The following SGCD variants were observed in gnomAD, a reference collection of about 807,000 sequenced individuals.
The protein encoded by SGCD is sarcoglycan delta, also known as delta-sarcoglycan.
In SGCD, 18 loss-of-function variants were observed where a neutral mutation model predicts 36.6. The ratio of observed to expected loss-of-function variants is 0.49; its 90% CI spans 0.34 to 0.73. The LOEUF (loss-of-function observed/expected upper bound fraction) is 0.73. SGCD is among the 30% of genes least tolerant of loss of function. The probability of loss-of-function intolerance (pLI) is 0.01; values close to 1 mark genes in which losing one functional copy is unlikely to be tolerated. For synonymous variants in SGCD, 133 were observed against 130.6 expected, an observed-to-expected ratio of 1.02 and a Z score of -0.12; for missense variants, 387 against 346.7, an observed-to-expected ratio of 1.12 and a Z score of -0.92.
intron 3 of SGCD, among the ~76,000 whole-genome samples, chr5:156,297,931 C>G (rs912714832): frequency 7.9e-5 from 12 of 151,718 alleles, no homozygotes; most frequent in Non-Finnish European, 1.8e-4. Flanking sequence ...ACCCCCAATC[C>G]CACAATTACC....
intron 6 of SGCD, among the ~76,000 whole-genome samples, chr5:156,623,206 T>C (rs1055960336): frequency 1.3e-5 from 2 of 152,150 alleles, no homozygotes; most frequent in African/African-American, 4.8e-5. Context: ...AACCACAGTA[T>C]TGCAGTGGGC....
chr5:155,879,090 A>AG (rs749465906), intron 1 of SGCD, among the ~76,000 whole-genome samples: 84 of 152,118 alleles, frequency 5.5e-4, no homozygotes, highest in Non-Finnish European at 8.7e-4. Context: ...AAAAAAAAAA[A>AG]GTATTTGGAC....
intron 1 of SGCD, among the ~76,000 whole-genome samples, chr5:156,046,168 T>C (rs1759760812): frequency 6.6e-6 from 1 of 152,128 alleles, no homozygotes; most frequent in East Asian, 1.9e-4. Context: ...CAGTACATCA[T>C]CTCACTTTCA....
At chr5:156,661,913 A>T (rs1435453167) in intron 7 of SGCD, among the ~76,000 whole-genome samples, 2 of 150,458 alleles carry the variant, frequency 1.3e-5, no homozygotes. Context: ...CTGTACTGTG[A>T]GGAAGGAATG....
chr5:155,831,091 G>A, the SGCD span, among the ~76,000 whole-genome samples: 2 of 152,194 alleles, frequency 1.3e-5, no homozygotes. Context: ...TCTCTGGTTA[G>A]ATAATTTACT....
the SGCD span, among the ~76,000 whole-genome samples, chr5:155,787,260 C>T: frequency 6.6e-6 from 1 of 152,060 alleles, no homozygotes; most frequent in African/African-American, 2.4e-5. Context: ...AAAACAAACC[C>T]CTGAAAATGG....
chr5:156,099,051 C>T (rs564872234), intron 1 of SGCD, among the ~76,000 whole-genome samples: 48 of 152,304 alleles, frequency 3.2e-4, no homozygotes, highest in Admixed American at 3.3e-4. Flanking sequence ...CTCCTCATGC[C>T]CCCAAGTTTG....
chr5:155,803,826 T>C, the SGCD span, among the ~76,000 whole-genome samples: 1 of 152,200 alleles, frequency 6.6e-6, no homozygotes, highest in African/African-American at 2.4e-5. Context: ...GCATAGGGTA[T>C]GCTCTTGGGA....
intron 3 of SGCD, among the ~76,000 whole-genome samples, chr5:156,152,501 G>A (rs1321906749): frequency 6.6e-6 from 1 of 151,526 alleles, no homozygotes; most frequent in Non-Finnish European, 1.5e-5. Flanking sequence ...CGTGCTCTAA[G>A]TGCAAAATAC....
rs569688154 is a variant in SGCD at position 156,369,871 on chromosome 5, T to A, written c.192+25194T>A. ...GAGAAATTCCAAATGGGGTTTAAAATGGAAATAGAAAAGTTGAATCAGGCT... is the reference window on the plus strand; with the variant it reads ...GAGAAATTCCAAATGGGGTTTAAAAAGGAAATAGAAAAGTTGAATCAGGCT... On this transcript the variant is annotated intron_variant, in intron 3 of 8. Coordinates refer to ENST00000337851, the MANE Select transcript of SGCD (RefSeq NM_000337.6). 5.3e-5 allele frequency among the ~76,000 whole-genome samples: 8 copies of A among 152,306 alleles called. No homozygotes were observed. The South Asian group carries it at 1.5e-3, about 28-fold the overall frequency.
intron 7 of SGCD, among the ~76,000 whole-genome samples, chr5:156,676,566 A>C (rs1220574068): frequency 6.6e-6 from 1 of 152,110 alleles, no homozygotes; most frequent in African/African-American, 2.4e-5. Flanking sequence ...TTGGGACCTC[A>C]AGACAAGGTA....
intron 3 of SGCD, among the ~76,000 whole-genome samples, chr5:156,430,931 A>C (rs536230345): frequency 6.6e-6 from 1 of 152,204 alleles, no homozygotes; most frequent in Non-Finnish European, 1.5e-5. Context: ...CCAGTATTTT[A>C]TTGACCAAAC....
chr5:156,675,111 A>G (rs1753456725), intron 7 of SGCD, among the ~76,000 whole-genome samples: 1 of 152,198 alleles, frequency 6.6e-6, no homozygotes. Flanking sequence ...GCTGGACACC[A>G]GATCCTGCCT....
chr5:155,867,042 C>A (rs532731217), upstream of SGCD, among the ~76,000 whole-genome samples: 2 of 151,948 alleles, frequency 1.3e-5, no homozygotes, highest in African/African-American at 2.4e-5. Flanking sequence ...TCCATTTGGC[C>A]GTTTCTAGAG....
At chr5:155,907,402 C>T (rs1375285681) in intron 1 of SGCD, among the ~76,000 whole-genome samples, 1 of 152,054 alleles carries the variant, frequency 6.6e-6, no homozygotes, top group Non-Finnish European at 1.5e-5. Flanking sequence ...GAAAACATTT[C>T]ATAAGGCTAT....
the SGCD span, among the ~76,000 whole-genome samples, chr5:155,743,851 G>A: frequency 6.6e-6 from 1 of 152,332 alleles, no homozygotes; most frequent in East Asian, 1.9e-4. Context: ...CTAAGAATCA[G>A]CCTTGAGCAA....
chr5:156,694,443 T>C (rs1479407906), intron 7 of SGCD, among the ~76,000 whole-genome samples: 1 of 152,234 alleles, frequency 6.6e-6, no homozygotes, highest in Non-Finnish European at 1.5e-5. Flanking sequence ...TCTGTCTGTA[T>C]AGTGCTTTAC....
chr5:156,376,652 AT>A (rs900155210), intron 3 of SGCD, among the ~76,000 whole-genome samples: 45 of 151,502 alleles, frequency 3.0e-4, no homozygotes, highest in African/African-American at 7.7e-4. Flanking sequence ...TGTGCATCAG[AT>A]TTTTTTTTAT....
Position 156,406,470 on chromosome 5 carries a change from C to T in SGCD, c.192+61793C>T, listed in dbSNP as rs75020450. On this transcript the variant is annotated intron_variant, in intron 3 of 8. Transcript: ENST00000337851. ...CTCTTTATTTTGGTGCATCCAATTCCCTCTTTTGGAGTAAATTTTCCTATA... is the reference window on the plus strand; with the variant it reads ...CTCTTTATTTTGGTGCATCCAATTCTCTCTTTTGGAGTAAATTTTCCTATA... Among the ~76,000 whole-genome samples the T allele has an allele frequency of 1.4e-3, 214 of 152,008 alleles. 4 individuals are homozygous for T. In the East Asian group the frequency reaches 0.036, roughly 25 times the overall value.
Sources: allele counts gnomAD v4.1 joint callset (sites outside exome capture counted in the v4.1 genomes callset), GRCh38; gene constraint gnomAD v4.1.1; transcripts MANE v1.5; gene names NCBI Gene and HGNC (gene_info 2026-07-23, HGNC 2026-07-21).